Variants in CFAP54 observed in about 807,000 individuals in gnomAD.
CFAP54 encodes cilia- and flagella-associated protein 54.
CFAP54 carries 290 observed loss-of-function variants against 370.4 expected under a neutral mutation model. The observed-to-expected ratio is 0.78, with a 90% CI of 0.71 to 0.86. CFAP54 has a LOEUF of 0.86. Among genes scored for constraint, CFAP54 ranks in the 40% least tolerant of loss-of-function variants. The pLI is 0.00. For missense variants in CFAP54, 3,399 were observed against 3,528.7 expected, an observed-to-expected ratio of 0.96 and a Z score of 0.93; for synonymous variants, 1,206 against 1,236.5, an observed-to-expected ratio of 0.98 and a Z score of 0.52.
At chr12:96,591,874 G>A (rs1408164030) in intron 23 of CFAP54, among the ~76,000 whole-genome samples, 1 of 147,842 alleles carries the variant, frequency 6.8e-6, no homozygotes, top group South Asian at 2.1e-4. Context: ...CTGGGCGACA[G>A]AGCGAAACTC....
rs558389274 is a variant in CFAP54, at chr12:96,534,524, C to T, written c.1705+297C>T. Among the ~76,000 whole-genome samples, 4 of 152,230 alleles carry T rather than the reference C, an allele frequency of 2.6e-5. No individual in the cohort carries two copies. In the South Asian group the frequency reaches 6.2e-4, roughly 24 times the overall value. The stretch of plus-strand genomic sequence containing the variant: ...GGGGAATGAGGTTCTATTTACTTTC[C>T]GGCTTAGTTGGATAAGAGGGAGGCC... On this transcript the variant is annotated intron_variant, in intron 11 of 67. Transcript: ENST00000524981.
At chr12:96,675,632 T>C (rs1282641478) in intron 39 of CFAP54, among the ~76,000 whole-genome samples, 1 of 152,154 alleles carries the variant, frequency 6.6e-6, no homozygotes, top group Non-Finnish European at 1.5e-5. Context: ...TAAAGACACA[T>C]GCATAAGTAT....
chr12:96,615,215 A>G (rs1956402019), intron 26 of CFAP54, among the ~76,000 whole-genome samples: 2 of 152,248 alleles, frequency 1.3e-5, no homozygotes, highest in South Asian at 4.1e-4. Context: ...CCACACATCT[A>G]CAACCATCTG....
chr12:96,553,287 A>G (rs1236322252), intron 15 of CFAP54, among the ~76,000 whole-genome samples: 1 of 152,160 alleles, frequency 6.6e-6, no homozygotes, highest in East Asian at 1.9e-4. Context: ...CATATGGTTG[A>G]GTTTTAAAAG....
chr12:96,610,894 T>C (rs1245609013), intron 26 of CFAP54, among the ~76,000 whole-genome samples: 1 of 152,202 alleles, frequency 6.6e-6, no homozygotes, highest in Non-Finnish European at 1.5e-5. Flanking sequence ...GCTGGGAAGT[T>C]CGAACTGGGT....
In CFAP54 at chr12:96,811,738, TTTA is replaced by T; in HGVS notation, c.8856_8858del (p.Leu2954del). The T allele has an allele frequency of 6.8e-7, 1 of 1,460,066 alleles. No homozygotes were observed. Among genetic ancestry groups the T allele is most frequent in the Non-Finnish European group, 9.1e-7 (1 of 1,101,512 alleles). 90.4% of individuals were successfully genotyped at this position (1,460,066 alleles called of 1,614,324 possible). The stretch of plus-strand genomic sequence containing the variant: ...TACCCCTTTTATTTTTCTTATAGGT[TTTA>T]TTGTTGTATGCATATAATTTGAAGC... On this transcript the variant is annotated inframe_deletion, in exon 64 of 68. Coordinates refer to ENST00000524981, the MANE Select transcript of CFAP54 (RefSeq NM_001306084.2).
chr12:96,806,208 AT>A lies in CFAP54; in HGVS notation c.8851-5527del, dbSNP rs1565984945. ...TATATATATATATATATATATATAT[AT>A]ATATAATAACAACATAAAAAGAAAG... is the stretch of plus-strand genomic sequence containing the variant. On this transcript the variant is annotated intron_variant, in intron 63 of 67. Coordinates refer to ENST00000524981, the MANE Select transcript of CFAP54 (RefSeq NM_001306084.2). Among the ~76,000 whole-genome samples the A allele has an allele frequency of 6.4e-3, 572 of 88,988 alleles. 25 individuals are homozygous for A. The highest frequency in any genetic ancestry group is 9.0e-3 in the African/African-American group (199 of 22,086). The allele number at this position is 88,988 out of a possible 152,430, so 58.4% of individuals were successfully genotyped here. A position where few individuals can be genotyped will look rare whatever the true frequency, so the allele number is the denominator to read the frequency against.
At chr12:96,796,347 C>T (rs74451894) in intron 63 of CFAP54, among the ~76,000 whole-genome samples, 1,786 of 152,242 alleles carry the variant, frequency 0.012, 44 homozygotes, top group African/African-American at 0.041. Flanking sequence ...TTTCATATCA[C>T]GATTTTGCTA....
chr12:96,556,658 C>A (rs1955755737), intron 17 of CFAP54, among the ~76,000 whole-genome samples: 1 of 152,078 alleles, frequency 6.6e-6, no homozygotes, highest in South Asian at 2.1e-4. Context: ...AACCTAAATG[C>A]CCATCAATGG....
At chr12:96,655,002 A>G (rs1956905811) in intron 36 of CFAP54, among the ~76,000 whole-genome samples, 1 of 151,290 alleles carries the variant, frequency 6.6e-6, no homozygotes, top group Non-Finnish European at 1.5e-5. Flanking sequence ...TTTAAAATTT[A>G]TAAGCAAATG....
Position 96,553,139 on chromosome 12 carries a change from T to C in CFAP54, c.2155-1043T>C, listed in dbSNP as rs188845242. On this transcript the variant is annotated intron_variant, in intron 15 of 67. Transcript: ENST00000524981. ...TTTCCTATCTTGGCTCTTTCATGCC[T>C]TGCAATGGTGATGAACACTTCTAAT... Among the ~76,000 whole-genome samples, 114 of 152,322 alleles carry C rather than the reference T, an allele frequency of 7.5e-4. 1 individual carries two copies. Among genetic ancestry groups the C allele is most frequent in the Middle Eastern group, 3.4e-3 (1 of 294 alleles).
rs1234375257 is a variant in CFAP54, at chr12:96,564,883, A to G, written c.2619+118A>G. The G allele has an allele frequency of 8.6e-6, 4 of 466,064 alleles. No homozygotes were observed. In the East Asian group the frequency reaches 1.0e-4, roughly 12 times the overall value. The allele number at this position is 466,064 out of a possible 1,614,324, so 28.9% of individuals were successfully genotyped here. On this transcript the variant is annotated intron_variant, in intron 19 of 67. Coordinates refer to ENST00000524981, the MANE Select transcript of CFAP54 (RefSeq NM_001306084.2). Reference sequence around the variant, plus strand: ...TTAACATTTAATTATGAACTTTCAGATTCACTATATATAATTCATCCTGAC... The same window carrying G: ...TTAACATTTAATTATGAACTTTCAGGTTCACTATATATAATTCATCCTGAC...
chr12:96,707,846 G>T (rs1358490812), intron 47 of CFAP54, among the ~76,000 whole-genome samples: 1 of 152,076 alleles, frequency 6.6e-6, no homozygotes, highest in Non-Finnish European at 1.5e-5. Flanking sequence ...CAAGGTCATT[G>T]GCTGGGAGGA....
rs79611924 is a variant in CFAP54 at position 96,628,097 on chromosome 12, G to A, written c.4103+1158G>A. On this transcript the variant is annotated intron_variant, in intron 30 of 67. Transcript: ENST00000524981. The stretch of plus-strand genomic sequence containing the variant: ...AGGCTGTACTATATCACGAAGATGT[G>A]TAGCAGGTGGTACCAGCTAGGTTTG... Among the ~76,000 whole-genome samples the A allele has an allele frequency of 7.7e-3, 1,171 of 152,316 alleles. 12 individuals are homozygous for A. Among genetic ancestry groups the A allele is most frequent in the Middle Eastern group, 0.02 (6 of 294 alleles).
At chr12:96,689,666 T>C (rs978409672) in intron 43 of CFAP54, among the ~76,000 whole-genome samples, 1 of 152,160 alleles carries the variant, frequency 6.6e-6, no homozygotes, top group African/African-American at 2.4e-5. Flanking sequence ...ATCTATCTTA[T>C]GATAAAGGTG....
intron 65 of CFAP54, among the ~76,000 whole-genome samples, chr12:96,821,855 G>A (rs547633552): frequency 6.6e-6 from 1 of 152,172 alleles, no homozygotes; most frequent in African/African-American, 2.4e-5. Flanking sequence ...GTCTGGAATT[G>A]GACAGGATTT....
chr12:96,554,854 C>T, intron 17 of CFAP54, 52 bp downstream of exon 17: 1 of 1,415,482 alleles, frequency 7.1e-7, no homozygotes, highest in Non-Finnish European at 9.3e-7. Flanking sequence ...AAGCCAGACT[C>T]CAGTACAGAA....
chr12:96,852,644 A>C (rs1186248769), intron 66 of CFAP54, among the ~76,000 whole-genome samples: 1 of 152,136 alleles, frequency 6.6e-6, no homozygotes, highest in African/African-American at 2.4e-5. Flanking sequence ...TGAAAGTACC[A>C]ATCATAAAGA....
At chr12:96,856,478 C>G (rs964003848) in intron 66 of CFAP54, among the ~76,000 whole-genome samples, 3 of 152,174 alleles carry the variant, frequency 2.0e-5, no homozygotes, top group Non-Finnish European at 2.9e-5. Flanking sequence ...AATTATCTCT[C>G]TGAAGTTCAG....
Sources: gnomAD v4.1 joint callset for allele counts (sites outside exome capture counted in the v4.1 genomes callset) on GRCh38, gnomAD v4.1.1 for gene constraint, MANE v1.5 for transcripts, NCBI Gene and HGNC (gene_info 2026-07-23, HGNC 2026-07-21) for gene names.